DIP2B: variants seen among roughly 807,000 people sequenced by gnomAD.
DIP2B encodes disco-interacting protein 2 homolog B.
DIP2B carries 76 observed loss-of-function variants against 198.0 expected under a neutral mutation model. That is an observed-to-expected ratio of 0.38 (90% confidence interval 0.32 to 0.46). The LOEUF is 0.46. DIP2B is among the 20% of genes least tolerant of loss of function. The probability of loss-of-function intolerance (pLI) is 0.99; values close to 1 mark genes in which losing one functional copy is unlikely to be tolerated. For missense variants in DIP2B, 1,559 were observed against 1,978.4 expected (o/e 0.79, Z 4.02); for synonymous variants, 701 against 739.1 (o/e 0.95, Z 0.84).
chr12:50,507,621 T>A (rs1957979224), intron 1 of DIP2B, among the ~76,000 whole-genome samples: 1 of 152,220 alleles, frequency 6.6e-6, no homozygotes, highest in African/African-American at 2.4e-5. Context: ...AACCTCCGCC[T>A]CCCAGGGTCA....
At chr12:50,662,359 A>G (rs919180398) in intron 4 of DIP2B, among the ~76,000 whole-genome samples, 1 of 152,254 alleles carries the variant, frequency 6.6e-6, no homozygotes, top group Admixed American at 6.5e-5. Context: ...CGCACCCTGC[A>G]TAGTGATTTC....
In DIP2B at chr12:50,695,984, T is replaced by G. The variant is rs1367924694; in HGVS notation, c.1933+17T>G. 2.5e-6 allele frequency: 4 copies of G among 1,613,812 alleles called. No individual in the cohort carries two copies. ...CTAACCCCTGTGAGTATTTCTTCAT[T>G]GTGGATCTGGGAATATCCTGTGTTT... On this transcript the variant is annotated intron_variant, in intron 16 of 37. Coordinates refer to ENST00000301180, the MANE Select transcript of DIP2B (RefSeq NM_173602.3).
At chr12:50,735,838 AGAC>A (rs1392979664) in intron 34 of DIP2B, among the ~76,000 whole-genome samples, 1 of 152,244 alleles carries the variant, frequency 6.6e-6, no homozygotes, top group Non-Finnish European at 1.5e-5. Flanking sequence ...AGGTCAGGGA[AGAC>A]ACACATGCAT....
intron 23 of DIP2B, among the ~76,000 whole-genome samples, chr12:50,715,784 A>G (rs1939703310): frequency 6.6e-6 from 1 of 152,218 alleles, no homozygotes. Context: ...ACACTAAAGA[A>G]TATAGTCTTT....
intron 1 of DIP2B, among the ~76,000 whole-genome samples, chr12:50,514,307 C>T (rs184618901): frequency 3.3e-5 from 5 of 152,104 alleles, no homozygotes; most frequent in African/African-American, 9.6e-5. Flanking sequence ...TCAGGTGATC[C>T]GCCCACCTCT....
chr12:50,625,843 C>T lies in DIP2B; in HGVS notation c.101-133C>T, dbSNP rs1048055564. 1.5e-5 allele frequency: 13 copies of T among 847,204 alleles called. No individual in the cohort carries two copies. In the African/African-American group the frequency reaches 2.7e-4, roughly 17 times the overall value. The allele number at this position is 847,204 out of a possible 1,614,324, so 52.5% of individuals were successfully genotyped here. ...CATAGCAAAATCCTTGGCAAAGAAC[C>T]ATACATTCCCCCCCCCAACCCCCTG... On this transcript the variant is annotated intron_variant, in intron 1 of 37. Transcript: ENST00000301180.
At chr12:50,737,656 G>A (rs1940161331) in intron 35 of DIP2B, among the ~76,000 whole-genome samples, 5 of 151,638 alleles carry the variant, frequency 3.3e-5, no homozygotes, top group Admixed American at 3.3e-4. Context: ...CCCAGGCTGG[G>A]CTTACTGCAA....
chr12:50,518,735 A>C (rs1475237085), intron 1 of DIP2B, among the ~76,000 whole-genome samples: 1 of 122,992 alleles, frequency 8.1e-6, no homozygotes. Context: ...TTAGGATACA[A>C]CTTCTGTCTT....
intron 1 of DIP2B, among the ~76,000 whole-genome samples, chr12:50,591,818 A>G (rs1490686112): frequency 2.7e-5 from 4 of 149,296 alleles, no homozygotes; most frequent in Non-Finnish European, 1.5e-5. Flanking sequence ...TCTGGCTGCT[A>G]TTTTACGTAT....
intron 1 of DIP2B, among the ~76,000 whole-genome samples, chr12:50,614,018 G>T (rs908346368): frequency 1.3e-5 from 2 of 152,112 alleles, no homozygotes; most frequent in African/African-American, 4.8e-5. Context: ...AAACTCACCT[G>T]CTTTGACTCT....
At chr12:50,611,864 G>A (rs959166706) in intron 1 of DIP2B, among the ~76,000 whole-genome samples, 1 of 151,980 alleles carries the variant, frequency 6.6e-6, no homozygotes, top group African/African-American at 2.4e-5. Context: ...ATCACTTGTC[G>A]TTGCTTTTGT....
intron 1 of DIP2B, among the ~76,000 whole-genome samples, chr12:50,623,437 A>ACACACACACTCTCT (rs1308369241): frequency 3.5e-5 from 2 of 57,166 alleles, no homozygotes; most frequent in African/African-American, 1.5e-4. Flanking sequence ...ACACACACAC[A>ACACACACACTCTCT]CTCTCTCTCT....
At chr12:50,706,703 T>G (rs1178421705) in intron 21 of DIP2B, 38 bp downstream of exon 21, 5 of 1,608,672 alleles carry the variant, frequency 3.1e-6, no homozygotes, top group Non-Finnish European at 3.4e-6. Flanking sequence ...CACCTTTTAA[T>G]GGAATCTAAA....
At chr12:50,741,668 A>G (rs1353978330) in intron 37 of DIP2B, 129 bp downstream of exon 37, 1 of 1,265,008 alleles carries the variant, frequency 7.9e-7, no homozygotes, top group Non-Finnish European at 1.1e-6. Context: ...GAGTAAGGAA[A>G]TAGACTGATT....
intron 1 of DIP2B, among the ~76,000 whole-genome samples, chr12:50,522,759 A>C (rs897754014): frequency 2.6e-5 from 4 of 152,216 alleles, no homozygotes; most frequent in African/African-American, 9.6e-5. Context: ...CTAAGTAAGA[A>C]TCCAGAAGAA....
intron 8 of DIP2B, 25 bp from the exon 9 acceptor site, chr12:50,680,624 CTGTTTTTTTTTCTATATGACTGT>C: frequency 6.6e-7 from 1 of 1,526,180 alleles, no homozygotes; most frequent in Non-Finnish European, 9.0e-7. Context: ...TGAGGTAGAC[CTGTTTTTTTTTCTATATGACTGT>C]TGTTTTTTTT....
intron 2 of DIP2B, among the ~76,000 whole-genome samples, chr12:50,638,378 C>G (rs1465145947): frequency 1.3e-5 from 2 of 152,134 alleles, no homozygotes; most frequent in Non-Finnish European, 2.9e-5. Context: ...CCCACCTGAC[C>G]CTTATAATTG....
intron 3 of DIP2B, among the ~76,000 whole-genome samples, chr12:50,644,875 G>C (rs898247684): frequency 2.6e-5 from 4 of 152,110 alleles, no homozygotes; most frequent in African/African-American, 9.7e-5. Flanking sequence ...ATATAAAAAT[G>C]CTTTTGGAAA....
At chr12:50,737,156 A>G (rs915654586) in intron 35 of DIP2B, 46 bp downstream of exon 35, 3 of 1,544,060 alleles carry the variant, frequency 1.9e-6, no homozygotes, top group Non-Finnish European at 1.8e-6. Flanking sequence ...AGCAGTAAAA[A>G]TCTCTAGGGT....
Sources: gnomAD v4.1 joint callset for allele counts (sites outside exome capture counted in the v4.1 genomes callset) on GRCh38, gnomAD v4.1.1 for gene constraint, MANE v1.5 for transcripts, NCBI Gene and HGNC (gene_info 2026-07-23, HGNC 2026-07-21) for gene names.